Variants in SLC5A4 observed in about 807,000 individuals in gnomAD.
The protein encoded by SLC5A4 is probable glucose sensor protein SLC5A4.
SLC5A4 carries 55 observed loss-of-function variants against 70.3 expected under a neutral mutation model. That is an observed-to-expected ratio of 0.78 (90% confidence interval 0.63 to 0.98). The LOEUF (loss-of-function observed/expected upper bound fraction) is 0.98, where lower values mean the gene tolerates loss of function less well. Among genes scored for constraint, SLC5A4 ranks in the 50% least tolerant of loss-of-function variants. The pLI is 0.00. For missense variants in SLC5A4, 735 were observed against 839.2 expected, an observed-to-expected ratio of 0.88 and a Z score of 1.53; for synonymous variants, 268 against 305.7, an observed-to-expected ratio of 0.88 and a Z score of 1.29.
At chr22:32,312,041 C>T in the SLC5A4 span, among the ~76,000 whole-genome samples, 1 of 152,120 alleles carries the variant, frequency 6.6e-6, no homozygotes, top group Admixed American at 6.5e-5. Context: ...ATACCTGCCT[C>T]CCACGTGGTG....
chr22:32,229,738 C>CAGGGTAACCAT (rs1925635790), intron 10 of SLC5A4, among the ~76,000 whole-genome samples: 1 of 152,140 alleles, frequency 6.6e-6, no homozygotes. Context: ...GATAGCACAG[C>CAGGGTAACCAT]AGGGTAACCA....
the SLC5A4 span, among the ~76,000 whole-genome samples, chr22:32,347,841 A>C: frequency 2.2e-4 from 33 of 152,074 alleles, 1 homozygote; most frequent in Non-Finnish European, 1.8e-4. Flanking sequence ...TGTACCCTAA[A>C]ACTTAAAGTA....
the SLC5A4 span, among the ~76,000 whole-genome samples, chr22:32,306,192 G>A: frequency 1.2e-4 from 18 of 152,186 alleles, no homozygotes; most frequent in African/African-American, 4.1e-4. Flanking sequence ...TAGGCCGGGC[G>A]CGGTGGCTCA....
chr22:32,341,588 C>T, the SLC5A4 span, among the ~76,000 whole-genome samples: 2 of 152,152 alleles, frequency 1.3e-5, no homozygotes, highest in African/African-American at 4.8e-5. Context: ...TCAACAGAGC[C>T]GTGAACAGCG....
the SLC5A4 span, chr22:32,268,143 T>C: frequency 3.3e-5 from 5 of 152,164 alleles, no homozygotes; most frequent in African/African-American, 1.2e-4. Flanking sequence ...CTTTTATATA[T>C]GTATTTATAT....
chr22:32,302,333 T>C, the SLC5A4 span, among the ~76,000 whole-genome samples: 1 of 152,118 alleles, frequency 6.6e-6, no homozygotes, highest in Non-Finnish European at 1.5e-5. Flanking sequence ...AGCTTGTCTG[T>C]TCCTCCCTTT....
chr22:32,334,098 CAT>C, the SLC5A4 span, among the ~76,000 whole-genome samples: 51 of 147,862 alleles, frequency 3.4e-4, no homozygotes, highest in Non-Finnish European at 5.1e-4. Context: ...CACACACACA[CAT>C]CACATAGACC....
chr22:32,298,796 T>A, the SLC5A4 span, among the ~76,000 whole-genome samples: 7 of 116,774 alleles, frequency 6.0e-5, no homozygotes, highest in Non-Finnish European at 1.1e-4. Context: ...CTGGTACTGG[T>A]TGTTCCTTTC....
the SLC5A4 span, among the ~76,000 whole-genome samples, chr22:32,341,700 G>A: frequency 6.6e-6 from 1 of 152,140 alleles, no homozygotes; most frequent in Admixed American, 6.6e-5. Flanking sequence ...TGGCCTAAAT[G>A]GCCCCTTATG....
chr22:32,271,330 CCT>C, the SLC5A4 span: 1 of 737,058 alleles, frequency 1.4e-6, no homozygotes. Context: ...GGAGGAGCTG[CCT>C]CTCTCGTCAA....
chr22:32,234,782 T>C (rs1364598455), intron 8 of SLC5A4, 91 bp downstream of exon 8: 4 of 940,050 alleles, frequency 4.3e-6, no homozygotes, highest in Non-Finnish European at 6.7e-6. Flanking sequence ...TAAATGTTTT[T>C]CTATGAGACA....
the SLC5A4 span, among the ~76,000 whole-genome samples, chr22:32,291,983 G>A: frequency 1.4e-5 from 2 of 142,088 alleles, no homozygotes; most frequent in African/African-American, 5.2e-5. Flanking sequence ...AGTGATTCTC[G>A]TGCCTCAGTC....
the SLC5A4 span, among the ~76,000 whole-genome samples, chr22:32,266,640 T>G: frequency 6.6e-6 from 1 of 152,190 alleles, no homozygotes; most frequent in African/African-American, 2.4e-5. Flanking sequence ...AAATGTGGGG[T>G]TTAGGGGCAC....
At chr22:32,336,517 T>C in the SLC5A4 span, among the ~76,000 whole-genome samples, 4 of 152,178 alleles carry the variant, frequency 2.6e-5, no homozygotes, top group South Asian at 8.3e-4. Flanking sequence ...GGAGGGGGCT[T>C]GTAAGATGCC....
chr22:32,255,360 C>T, upstream of SLC5A4: 1 of 1,606,270 alleles, frequency 6.2e-7, no homozygotes, highest in Non-Finnish European at 8.5e-7. Context: ...CCATTCCACG[C>T]ATGAGCCATC....
the SLC5A4 span, among the ~76,000 whole-genome samples, chr22:32,312,514 C>T: frequency 3.3e-5 from 5 of 152,110 alleles, no homozygotes; most frequent in African/African-American, 9.7e-5. Context: ...TGGAATCAGC[C>T]AGAGTTGCTT....
chr22:32,310,184 G>A, the SLC5A4 span, among the ~76,000 whole-genome samples: 3 of 152,126 alleles, frequency 2.0e-5, no homozygotes, highest in Non-Finnish European at 2.9e-5. Context: ...TGTGACCTTA[G>A]GTGTCCAGGA....
the SLC5A4 span, among the ~76,000 whole-genome samples, chr22:32,262,771 T>C: frequency 1.3e-5 from 2 of 151,528 alleles, no homozygotes; most frequent in Non-Finnish European, 2.9e-5. Flanking sequence ...TTTTTATTTT[T>C]ATTTTTATTT....
intron 9 of SLC5A4, among the ~76,000 whole-genome samples, chr22:32,231,586 T>C (rs1316651627): frequency 6.6e-6 from 1 of 152,232 alleles, no homozygotes; most frequent in African/African-American, 2.4e-5. Flanking sequence ...TTTTTTGTTT[T>C]TGCTTAAACA....
Sources: gnomAD v4.1 joint callset for allele counts (sites outside exome capture counted in the v4.1 genomes callset) on GRCh38, gnomAD v4.1.1 for gene constraint, MANE v1.5 for transcripts, NCBI Gene and HGNC (gene_info 2026-07-23, HGNC 2026-07-21) for gene names.